Variants in DIS3 observed in about 807,000 individuals in gnomAD.
The protein encoded by DIS3 is DIS3 exosome endoribonuclease and 3'-5' exoribonuclease.
In DIS3, 103 loss-of-function variants were observed where a neutral mutation model predicts 113.0. The ratio of observed to expected loss-of-function variants is 0.91; its 90% CI spans 0.78 to 1.07. The LOEUF is 1.07. DIS3 is among the 50% of genes least tolerant of loss of function. DIS3 has a pLI of 0.00. For missense variants in DIS3, 1,121 were observed against 1,167.1 expected (o/e 0.96, Z 0.58); for synonymous variants, 402 against 394.3 (o/e 1.02, Z -0.23).
At chr13:72,771,217 A>C in intron 11 of DIS3, 72 bp from the exon 12 acceptor site, 1 of 1,181,750 alleles carries the variant, frequency 8.5e-7, no homozygotes, top group Non-Finnish European at 1.2e-6. Flanking sequence ...TCTATTCTCA[A>C]ATAACATTAA....
chr13:72,769,696 C>T (rs2033841107), intron 13 of DIS3, among the ~76,000 whole-genome samples: 1 of 151,878 alleles, frequency 6.6e-6, no homozygotes. Flanking sequence ...TTATACTGAC[C>T]AAGTCTTAAA....
At chr13:72,779,132 T>C (rs1039685452) in intron 2 of DIS3, among the ~76,000 whole-genome samples, 2 of 152,104 alleles carry the variant, frequency 1.3e-5, no homozygotes, top group African/African-American at 4.8e-5. Flanking sequence ...GCTTTTTTTT[T>C]TTTTTTGAAA....
chr13:72,780,679 T>C lies in DIS3; in HGVS notation c.386+167A>G, dbSNP rs547635356. On this transcript the variant is annotated intron_variant, in intron 2 of 20. Coordinates refer to ENST00000377767, the MANE Select transcript of DIS3 (RefSeq NM_014953.5). Reference sequence around the variant, plus strand: ...GAGCCCATCAATGCCTGTGTGACCTTAGAGAGATCCACTTAGCATTATCTT... The same window carrying C: ...GAGCCCATCAATGCCTGTGTGACCTCAGAGAGATCCACTTAGCATTATCTT... Among the ~76,000 whole-genome samples, 112 of 152,262 alleles carry C rather than the reference T, an allele frequency of 7.4e-4. 1 individual carries two copies. The highest frequency in any genetic ancestry group is 2.7e-3 in the African/African-American group (111 of 41,544).
chr13:72,764,088 GTTGCAGTGAGCCGAGATCGCA>G (rs1350358590), intron 15 of DIS3, among the ~76,000 whole-genome samples: 1 of 152,092 alleles, frequency 6.6e-6, no homozygotes, highest in African/African-American at 2.4e-5. Context: ...GGAGGTGGAG[GTTGCAGTGAGCCGAGATCGCA>G]TCACTGCACT....
chr13:72,773,749 T>C lies in DIS3; in HGVS notation c.1174A>G (p.Thr392Ala). The change falls in exon 8 of 21, where the codon ACA (threonine) becomes GCA (alanine). Residue 392 changes from threonine (T) to alanine (A), a missense_variant. By Grantham distance (58) the Thr-to-Ala change is moderately conservative (BLOSUM62 0). This residue lies in a region of DIS3 where 861 missense variants were observed against 915.5 expected (regional missense o/e 0.94). Transcript: ENST00000377767. ...RIRIETRQAS[T>A]LEGRRIIVAI... ...ACAATAATTCTCCGTCCTTCTAATG[T>C]GGAAGCCTGTCTGGTTTCTATGCGA... 3 of 1,614,086 alleles carry C rather than the reference T, an allele frequency of 1.9e-6. No individual in the cohort carries two copies. The highest frequency in any genetic ancestry group is 2.5e-6 in the Non-Finnish European group (3 of 1,179,996).
chr13:72,762,767 CAATA>C (rs2033656054), intron 16 of DIS3, among the ~76,000 whole-genome samples: 1 of 150,906 alleles, frequency 6.6e-6, no homozygotes, highest in Non-Finnish European at 1.5e-5. Flanking sequence ...TCCATGTATG[CAATA>C]AATATACTTT....
chr13:72,768,898 A>G lies in DIS3; in HGVS notation c.1770T>C (p.Tyr590=), dbSNP rs1463989711. Residue 590 remains tyrosine (Y), a synonymous_variant, in exon 14 of 21, where the codon TAT becomes TAC. Coordinates refer to ENST00000377767, the MANE Select transcript of DIS3 (RefSeq NM_014953.5). Reference sequence around the variant, plus strand: ...AATCAATTCTCAACTGAGCTTCAGCATACGTCAGAGATGCCTAAAAAAGAA... The same window carrying G: ...AATCAATTCTCAACTGAGCTTCAGCGTACGTCAGAGATGCCTAAAAAAGAA... ...SVINSKASLT[Y]AEAQLRIDSA... The G allele has an allele frequency of 4.4e-6, 7 of 1,594,766 alleles. No homozygotes were observed. Among genetic ancestry groups the G allele is most frequent in the South Asian group, 3.4e-5 (3 of 89,048 alleles).
rs756670409 is a variant in DIS3, at chr13:72,763,615, T to A, written c.1971-8A>T. The A allele has an allele frequency of 1.2e-6, 2 of 1,607,652 alleles. No homozygotes were observed. The highest frequency in any genetic ancestry group is 1.7e-6 in the Non-Finnish European group (2 of 1,177,934). On this transcript the variant is annotated splice_polypyrimidine_tract_variant and splice_region_variant and intron_variant, in intron 15 of 20. Coordinates refer to ENST00000377767, the MANE Select transcript of DIS3 (RefSeq NM_014953.5). ...ACCATGGAATTTGTTTCCCTGCCAA[T>A]GGAAAAAGCATTAAACAAACAAAAA...
intron 6 of DIS3, 71 bp downstream of exon 6, chr13:72,775,140 T>A: frequency 1.4e-6 from 2 of 1,430,322 alleles, no homozygotes. Context: ...CAATGAAACT[T>A]GTTTTCCAAA....
intron 16 of DIS3, 136 bp from the exon 17 acceptor site, chr13:72,762,273 T>G (rs2033645755): frequency 1.3e-6 from 1 of 776,080 alleles, no homozygotes; most frequent in Non-Finnish European, 2.0e-6. Flanking sequence ...GTAGAAGTAG[T>G]AGCCAGAAAC....
Position 72,755,472 on chromosome 13 carries a change from C to T in DIS3, c.*4323G>A. On this transcript the variant is annotated 3_prime_UTR_variant, in exon 21 of 21. Transcript: ENST00000377767. The stretch of plus-strand genomic sequence containing the variant: ...TTACATTGAGTGATGTGTTTAACAA[C>T]AAATTGTGACAGAGCTGAGTGCTCC... The T allele has an allele frequency of 2.2e-6, 1 of 451,116 alleles. No individual in the cohort carries two copies. Among genetic ancestry groups the T allele is most frequent in the Non-Finnish European group, 3.9e-6 (1 of 255,716 alleles). 27.9% of individuals were successfully genotyped at this position (451,116 alleles called of 1,614,324 possible). A position where few individuals can be genotyped will look rare whatever the true frequency, so the allele number is the denominator to read the frequency against.
chr13:72,768,270 C>G (rs1246368724), intron 14 of DIS3, among the ~76,000 whole-genome samples: 1 of 152,154 alleles, frequency 6.6e-6, no homozygotes, highest in African/African-American at 2.4e-5. Flanking sequence ...AGATCTTTAA[C>G]TCAAACACAA....
intron 13 of DIS3, among the ~76,000 whole-genome samples, chr13:72,770,603 A>G (rs2138197665): frequency 6.6e-6 from 1 of 152,270 alleles, no homozygotes. Context: ...GTAGGTAGCA[A>G]AAGGGCCAAA....
chr13:72,775,923 G>A lies in DIS3; in HGVS notation c.822+2C>T. On this transcript the variant is annotated splice_donor_variant, in intron 5 of 20. Coordinates refer to ENST00000377767, the MANE Select transcript of DIS3 (RefSeq NM_014953.5). LOFTEE classifies it low-confidence loss of function (GC_TO_GT_DONOR). ...GTATAAGGAATTTATTTATATACTT[G>A]CCTCTTTATTTTCTTCATTGTCGCC... is the stretch of plus-strand genomic sequence containing the variant. 1.9e-6 allele frequency: 3 copies of A among 1,596,534 alleles called. No homozygotes were observed. Among genetic ancestry groups the A allele is most frequent in the Non-Finnish European group, 2.6e-6 (3 of 1,173,988 alleles).
In DIS3 at chr13:72,774,013, A is replaced by C. The variant is rs754198068; in HGVS notation, c.1034T>G (p.Val345Gly). Reference sequence around the variant, plus strand: ...CCAATTCCTTTTTATTATTCCTACAACTCTACCTGTAGGCTTCAACATTTT... The same window carrying C: ...CCAATTCCTTTTTATTATTCCTACACCTCTACCTGTAGGCTTCAACATTTT... ...SEKMLKPTGR[V>G]VGIIKRNWRP... Residue 345 changes from valine (V) to glycine (G), a missense_variant, in exon 7 of 21, where the codon GTT becomes GGT. Val to Gly is a moderately radical substitution (Grantham distance 109). Coordinates refer to ENST00000377767, the MANE Select transcript of DIS3 (RefSeq NM_014953.5). The C allele has an allele frequency of 6.2e-7, 1 of 1,611,618 alleles. No individual in the cohort carries two copies. Among genetic ancestry groups the C allele is most frequent in the Non-Finnish European group, 8.5e-7 (1 of 1,179,456 alleles).
At chr13:72,766,172 C>G in intron 14 of DIS3, 114 bp from the exon 15 acceptor site, 3 of 784,414 alleles carry the variant, frequency 3.8e-6, no homozygotes, top group African/African-American at 1.8e-5. Flanking sequence ...AATAGTTGCT[C>G]TTCTGAAGGC....
chr13:72,768,078 T>C (rs1382221589), intron 14 of DIS3, among the ~76,000 whole-genome samples: 2 of 152,184 alleles, frequency 1.3e-5, no homozygotes, highest in East Asian at 3.9e-4. Flanking sequence ...CAACTTTTAA[T>C]TGCCTAAAAA....
rs2033373870 is a variant in DIS3, at chr13:72,754,257, T to G, written c.*5538A>C. ...TTTCTGCCTCAGCCTCGCAAAGTGCTGCGCGATTACAGGCATGAGCCAACA... is the reference window on the plus strand; with the variant it reads ...TTTCTGCCTCAGCCTCGCAAAGTGCGGCGCGATTACAGGCATGAGCCAACA... On this transcript the variant is annotated 3_prime_UTR_variant, in exon 21 of 21. Coordinates refer to ENST00000377767, the MANE Select transcript of DIS3 (RefSeq NM_014953.5). 1 of 158,094 alleles carries G rather than the reference T, an allele frequency of 6.3e-6. No homozygotes were observed. The highest frequency in any genetic ancestry group is 1.4e-5 in the Non-Finnish European group (1 of 72,586). 9.8% of individuals were successfully genotyped at this position (158,094 alleles called of 1,614,324 possible).
Position 72,762,048 on chromosome 13 carries a change from CAG to C in DIS3, c.2215_2216del (p.Leu739ValfsTer21), listed in dbSNP as rs777501457. ...TACAGCGAGTGGCTAATATTCTCAA[CAG>C]AGTGTTTAGATATGGAAAAGTAGGA... Reference protein sequence around the residue: ...ESPTFPYLNTLLRILATRCMM... With the variant: ...ESPTFPYLNTXLRILATRCMM... On this transcript the variant is annotated frameshift_variant, in exon 17 of 21. Transcript: ENST00000377767. LOFTEE classifies it high-confidence loss of function. The C allele has an allele frequency of 6.2e-7, 1 of 1,614,112 alleles. No individual in the cohort carries two copies. Among genetic ancestry groups the C allele is most frequent in the Non-Finnish European group, 8.5e-7 (1 of 1,180,030 alleles).
Sources: allele counts gnomAD v4.1 joint callset (sites outside exome capture counted in the v4.1 genomes callset), GRCh38; gene constraint gnomAD v4.1.1; regional missense constraint gnomAD v4.1.1; transcripts MANE v1.5; gene names NCBI Gene and HGNC (gene_info 2026-07-23, HGNC 2026-07-21).